The following FPGS variants were observed in gnomAD, a reference collection of about 807,000 sequenced individuals.
The protein encoded by FPGS is folylpolyglutamate synthase.
In FPGS, 53 loss-of-function variants were observed where a neutral mutation model predicts 66.5. The ratio of observed to expected loss-of-function variants is 0.80; its 90% CI spans 0.64 to 1.00. FPGS has a LOEUF of 1.00. Among genes scored for constraint, FPGS ranks in the 50% least tolerant of loss-of-function variants. The pLI, the probability that FPGS is intolerant of heterozygous loss-of-function variation, is 0.00. For synonymous variants in FPGS, 348 were observed against 350.9 expected, an observed-to-expected ratio of 0.99 and a Z score of 0.09; for missense variants, 702 against 807.7, an observed-to-expected ratio of 0.87 and a Z score of 1.59.
At chr9:127,805,346 G>T (rs763264342) in intron 4 of FPGS, among the ~76,000 whole-genome samples, 1 of 152,012 alleles carries the variant, frequency 6.6e-6, no homozygotes, top group Non-Finnish European at 1.5e-5. Flanking sequence ...GGAGGTCAAG[G>T]CTGCAGTTAG....
intron 13 of FPGS, 145 bp downstream of exon 13, chr9:127,810,251 G>A (rs1267459559): frequency 5.6e-6 from 4 of 719,078 alleles, no homozygotes; most frequent in Non-Finnish European, 7.1e-6. Context: ...TCTGCCAGGT[G>A]CTGCAGGGCC....
At chr9:127,808,112 G>T (rs1379956791) in intron 8 of FPGS, 122 bp from the exon 9 acceptor site, 1 of 723,176 alleles carries the variant, frequency 1.4e-6, no homozygotes, top group Non-Finnish European at 2.3e-6. Context: ...TCTCGAAAAA[G>T]AAAAGAAAAG....
Position 127,813,630 on chromosome 9 carries a change from G to A in FPGS, c.*26G>A. On this transcript the variant is annotated 3_prime_UTR_variant, in exon 15 of 15. Transcript: ENST00000373247. ...CCAAGGCCCGGGGTTGGAGGTGGGAGCTTCCCACACCTGCCTGCGTTCTCC... is the reference window on the plus strand; with the variant it reads ...CCAAGGCCCGGGGTTGGAGGTGGGAACTTCCCACACCTGCCTGCGTTCTCC... 2 of 1,502,916 alleles carry A rather than the reference G, an allele frequency of 1.3e-6. No individual in the cohort carries two copies. The highest frequency in any genetic ancestry group is 8.9e-7 in the Non-Finnish European group (1 of 1,125,630). The allele number at this position is 1,502,916 out of a possible 1,614,324, so 93.1% of individuals were successfully genotyped here. A position where few individuals can be genotyped will look rare whatever the true frequency, so the allele number is the denominator to read the frequency against.
rs1175302633 is a variant in FPGS, at chr9:127,809,803, C to T, written c.1180C>T (p.Gln394Ter). The T allele has an allele frequency of 1.3e-6, 2 of 1,498,996 alleles. 1 individual carries two copies. The highest frequency in any genetic ancestry group is 2.6e-5 in the South Asian group (2 of 78,070). 92.9% of individuals were successfully genotyped at this position (1,498,996 alleles called of 1,614,324 possible). Residue 394 changes from glutamine to a stop codon, truncating the protein, a stop_gained, in exon 12 of 15, where the codon CAG becomes TAG. Coordinates refer to ENST00000373247, the MANE Select transcript of FPGS (RefSeq NM_004957.6). LOFTEE classifies it high-confidence loss of function. ...GCAGGCCTGCGTGCGCTGGTTCCGC[C>T]AGGCGCTGCAGGGCCGCGAGAGGCC... ...SAQACVRWFR[Q>*]ALQGRERPSG... is the part of the protein sequence containing the mutation.
At chr9:127,803,290 T>C (rs1588548519) in intron 1 of FPGS, 2 of 1,228,912 alleles carry the variant, frequency 1.6e-6, no homozygotes, top group African/African-American at 1.6e-5. Context: ...CCGCCCCGGG[T>C]TGGGAAGTGG....
At position 127,807,769 on chromosome 9, in the gene FPGS, G is replaced by A. The variant is rs1746641803; in HGVS notation, c.744+81G>A. 5.6e-6 allele frequency: 5 copies of A among 885,304 alleles called. No homozygotes were observed. The highest frequency in any genetic ancestry group is 1.8e-5 in the South Asian group (1 of 56,192). The allele number at this position is 885,304 out of a possible 1,614,324, so 54.8% of individuals were successfully genotyped here. On this transcript the variant is annotated intron_variant, in intron 8 of 14. Transcript: ENST00000373247. This position sits in a 1 kb window ranked among gnomAD's most constrained non-coding sequence, Gnocchi z 5.8. ...TTCATCCTGGCTTCACTGTGTGACT[G>A]GAACAAGTTGAGTCTCCTCTCCAGA... is the stretch of plus-strand genomic sequence containing the variant.
rs760977296 is a variant in FPGS at position 127,807,620 on chromosome 9, A to C, written c.676A>C (p.Ile226Leu). 1.9e-6 allele frequency: 3 copies of C among 1,611,650 alleles called. No individual in the cohort carries two copies. The East Asian group carries it at 6.7e-5, about 36-fold the overall frequency. Residue 226 changes from isoleucine (I) to leucine (L), a missense_variant, in exon 8 of 15, where the codon ATC (isoleucine) becomes CTC (leucine). Physicochemically the swap from Ile to Leu is conservative, Grantham distance 5 (BLOSUM62 2). Around this residue, in one of 3 missense-constraint regions of FPGS, gnomAD observed 240 missense variants for 348.6 expected, o/e 0.69. Transcript: ENST00000373247. This position sits in a 1 kb window ranked among gnomAD's most constrained non-coding sequence, Gnocchi z 5.8. ...PVVCGVSSLG[I>L]DHTSLLGDTV... ...GGTGTGCGGAGTCTCCTCTCTTGGC[A>C]TCGACCACACCAGCCTCCTGGGGGA...
At chr9:127,803,829 G>A (rs1216267294) in intron 1 of FPGS, among the ~76,000 whole-genome samples, 5 of 152,186 alleles carry the variant, frequency 3.3e-5, no homozygotes. Context: ...TTGCTCCTCT[G>A]TGGGTTGGAA....
chr9:127,803,015 G>A lies in FPGS; in HGVS notation c.91G>A (p.Gly31Ser), dbSNP rs1317448875. 4.1e-6 allele frequency: 6 copies of A among 1,466,072 alleles called. No homozygotes were observed. The highest frequency in any genetic ancestry group is 5.4e-6 in the Non-Finnish European group (6 of 1,117,236). The allele number at this position is 1,466,072 out of a possible 1,614,324, so 90.8% of individuals were successfully genotyped here. The change falls in exon 1 of 15, where the codon GGC (glycine) becomes AGC (serine). Residue 31 changes from glycine (G) to serine (S), a missense_variant. Gly to Ser is a moderately conservative substitution (Grantham distance 56). Transcript: ENST00000373247. ...AACGACCCAGGTCGCGGCGCGGCGG[G>A]GCTTGAGCGCGTGGCCGGTGCCGCA... ...GITTQVAARR[G>S]LSAWPVPQEP...
At chr9:127,810,871 C>A in intron 13 of FPGS, 74 bp from the exon 14 acceptor site, 1 of 749,098 alleles carries the variant, frequency 1.3e-6, no homozygotes, top group Non-Finnish European at 2.3e-6. Flanking sequence ...GAGATGTGGG[C>A]GCAGGGGGCC....
intron 4 of FPGS, among the ~76,000 whole-genome samples, chr9:127,805,882 G>A (rs769719282): frequency 2.6e-5 from 4 of 152,160 alleles, no homozygotes; most frequent in Admixed American, 1.3e-4. Context: ...AGGTGGAACC[G>A]GGATCACTCT....
intron 12 of FPGS, 81 bp downstream of exon 12, chr9:127,809,915 T>C: frequency 6.9e-6 from 2 of 290,868 alleles, no homozygotes; most frequent in South Asian, 5.6e-5. Flanking sequence ...GGCGGGGTCG[T>C]GGGGAAGGGC....
rs922765441 is a variant in FPGS at position 127,807,127 on chromosome 9, G to T, written c.501+40G>T. 3.7e-6 allele frequency: 6 copies of T among 1,610,380 alleles called. No homozygotes were observed. In the African/African-American group the frequency reaches 8.0e-5, roughly 22 times the overall value. The stretch of plus-strand genomic sequence containing the variant: ...AGGGCTGGCGGGTGGGTATGGTTGG[G>T]GGTGCTACGTGTTCCAGCACCCCAT... On this transcript the variant is annotated intron_variant, in intron 5 of 14. Transcript: ENST00000373247. This position sits in a 1 kb window ranked among gnomAD's most constrained non-coding sequence, Gnocchi z 5.8.
chr9:127,810,262 G>A (rs1192185866), intron 13 of FPGS, among the ~76,000 whole-genome samples, 156 bp downstream of exon 13: 1 of 152,124 alleles, frequency 6.6e-6, no homozygotes, highest in Non-Finnish European at 1.5e-5. Context: ...CTGCAGGGCC[G>A]TGGGGAGGCC....
Position 127,813,838 on chromosome 9 carries a change from G to C in FPGS, c.*234G>C, listed in dbSNP as rs1310187867. 4 of 1,250,142 alleles carry C rather than the reference G, an allele frequency of 3.2e-6. No homozygotes were observed. The highest frequency in any genetic ancestry group is 4.0e-6 in the Non-Finnish European group (4 of 1,000,018). 77.4% of individuals were successfully genotyped at this position (1,250,142 alleles called of 1,614,324 possible). A position where few individuals can be genotyped will look rare whatever the true frequency, so the allele number is the denominator to read the frequency against. On this transcript the variant is annotated 3_prime_UTR_variant, in exon 15 of 15. Coordinates refer to ENST00000373247, the MANE Select transcript of FPGS (RefSeq NM_004957.6). ...GGGGCTCCCCGGGTCTCTCACTGTT[G>C]CAGTGGCCTGGCCGTTCAGCCTGTC...
intron 14 of FPGS, 84 bp downstream of exon 14, chr9:127,811,095 GT>G (rs2131857869): frequency 1.4e-6 from 1 of 723,514 alleles, no homozygotes; most frequent in East Asian, 2.8e-5. Context: ...GAGGTTTGGG[GT>G]AGGAAATAAA....
At position 127,807,971 on chromosome 9, in the gene FPGS, T is replaced by G. The variant is rs1306217664; in HGVS notation, c.745-263T>G. 11 of 567,634 alleles carry G rather than the reference T, an allele frequency of 1.9e-5. No individual in the cohort carries two copies. Among genetic ancestry groups the G allele is most frequent in the Non-Finnish European group, 3.1e-6 (1 of 321,150 alleles). The allele number at this position is 567,634 out of a possible 1,614,324, so 35.2% of individuals were successfully genotyped here. On this transcript the variant is annotated intron_variant, in intron 8 of 14. Coordinates refer to ENST00000373247, the MANE Select transcript of FPGS (RefSeq NM_004957.6). This position sits in a 1 kb window ranked among gnomAD's most constrained non-coding sequence, Gnocchi z 5.8. ...AAATACAAAAATTAGCCAGGTGTGGTGGTGTACGCCTGTAGTTCCAGCTAC... is the reference window on the plus strand; with the variant it reads ...AAATACAAAAATTAGCCAGGTGTGGGGGTGTACGCCTGTAGTTCCAGCTAC...
intron 4 of FPGS, 141 bp from the exon 5 acceptor site, chr9:127,806,832 C>A (rs375565107): frequency 1.8e-5 from 12 of 660,312 alleles, no homozygotes; most frequent in African/African-American, 1.8e-4. Flanking sequence ...TACAGATAGT[C>A]CGGGGGGATG....
In FPGS at chr9:127,804,002, G is replaced by A. The variant is rs569045559; in HGVS notation, c.139-283G>A. On this transcript the variant is annotated intron_variant, in intron 1 of 14. Transcript: ENST00000373247. ...CAAAGGCCCAGGAGTGAAGTCGGGGGAGCCTGGGCAGGAAGCAAGGCTAGC... is the reference window on the plus strand; with the variant it reads ...CAAAGGCCCAGGAGTGAAGTCGGGGAAGCCTGGGCAGGAAGCAAGGCTAGC... Among the ~76,000 whole-genome samples the A allele has an allele frequency of 8.5e-5, 13 of 152,364 alleles. No individual in the cohort carries two copies. In the South Asian group the frequency reaches 2.7e-3, roughly 32 times the overall value.
Sources: gnomAD v4.1 joint callset for allele counts (sites outside exome capture counted in the v4.1 genomes callset) on GRCh38, gnomAD v4.1.1 for gene constraint, gnomAD v4.1.1 regional missense constraint, Gnocchi (gnomAD v3.1) non-coding constraint, MANE v1.5 for transcripts, NCBI Gene and HGNC (gene_info 2026-07-23, HGNC 2026-07-21) for gene names.